GATAD2A: variants seen among roughly 807,000 people sequenced by gnomAD.
The protein encoded by GATAD2A is transcriptional repressor p66-alpha.
A neutral mutation model predicts 68.5 loss-of-function variants in GATAD2A; 12 were observed. The ratio of observed to expected loss-of-function variants is 0.18; its 90% CI spans 0.11 to 0.28. The LOEUF (loss-of-function observed/expected upper bound fraction) is 0.28. GATAD2A is among the 10% of genes least tolerant of loss of function. The pLI is 1.00. For missense variants in GATAD2A, 755 were observed against 868.5 expected (o/e 0.87, Z 1.64); for synonymous variants, 410 against 375.3 (o/e 1.09, Z -1.07).
At chr19:19,490,954 G>A (rs1055221282) in intron 2 of GATAD2A, among the ~76,000 whole-genome samples, 3 of 152,210 alleles carry the variant, frequency 2.0e-5, no homozygotes, top group South Asian at 4.1e-4. Flanking sequence ...GTCAGCAAAT[G>A]GAGCTGCTTG....
At position 19,505,921 on chromosome 19, in the gene GATAD2A, C is replaced by G. The variant is rs777967790; in HGVS notation, c.*447C>G. ...GTTTCATTTTTTTGCTTTTCCCTGT[C>G]TTAGGCTCCCAGTCTTTGACTGCCT... On this transcript the variant is annotated 3_prime_UTR_variant, in exon 12 of 12. Coordinates refer to ENST00000683918, the MANE Select transcript of GATAD2A (RefSeq NM_001384528.1). 4 of 399,176 alleles carry G rather than the reference C, an allele frequency of 1.0e-5. No individual in the cohort carries two copies. The highest frequency in any genetic ancestry group is 3.6e-5 in the East Asian group (1 of 28,076). The allele number at this position is 399,176 out of a possible 1,614,324, so 24.7% of individuals were successfully genotyped here. A position where few individuals can be genotyped will look rare whatever the true frequency, so the allele number is the denominator to read the frequency against.
At chr19:19,431,522 C>T (rs777429646) in intron 1 of GATAD2A, among the ~76,000 whole-genome samples, 37 of 150,938 alleles carry the variant, frequency 2.5e-4, no homozygotes, top group Non-Finnish European at 2.8e-4. Context: ...GGTGAAACCC[C>T]GTCTCTAATA....
intron 1 of GATAD2A, among the ~76,000 whole-genome samples, chr19:19,391,454 C>T (rs995189659): frequency 6.6e-6 from 1 of 152,040 alleles, no homozygotes; most frequent in South Asian, 2.1e-4. Context: ...ACAGTTATTC[C>T]ATTACATGGG....
intron 1 of GATAD2A, among the ~76,000 whole-genome samples, chr19:19,391,507 TA>T (rs2048843524): frequency 6.6e-6 from 1 of 152,154 alleles, no homozygotes; most frequent in Non-Finnish European, 1.5e-5. Flanking sequence ...AGAACTAAGG[TA>T]AACAACTTTA....
intron 2 of GATAD2A, among the ~76,000 whole-genome samples, chr19:19,471,679 A>G (rs188645637): frequency 6.6e-6 from 1 of 152,374 alleles, no homozygotes; most frequent in Non-Finnish European, 1.5e-5. Context: ...ATACCTCAAT[A>G]TGGATGTTAA....
intron 2 of GATAD2A, among the ~76,000 whole-genome samples, chr19:19,478,835 C>A (rs1736616488): frequency 6.6e-6 from 1 of 151,706 alleles, no homozygotes; most frequent in South Asian, 2.1e-4. Context: ...AAAAAAAAAC[C>A]TATTATTAAT....
At chr19:19,465,824 G>A (rs1236416647) in intron 2 of GATAD2A, among the ~76,000 whole-genome samples, 1 of 152,280 alleles carries the variant, frequency 6.6e-6, no homozygotes, top group Non-Finnish European at 1.5e-5. Context: ...GTGGCACAGA[G>A]TGTGGGTCTC....
chr19:19,435,045 G>A (rs755379284), intron 1 of GATAD2A: 5 of 524,036 alleles, frequency 9.5e-6, no homozygotes, highest in African/African-American at 5.8e-5. Flanking sequence ...TGAGCCCTGC[G>A]TGCTGCCTGT....
At chr19:19,400,957 A>G (rs1739483434), upstream of GATAD2A, among the ~76,000 whole-genome samples, 1 of 152,092 alleles carries the variant, frequency 6.6e-6, no homozygotes, top group East Asian at 1.9e-4. Context: ...CCTGGCTAAC[A>G]TGGCGAAACC....
intron 4 of GATAD2A, 47 bp downstream of exon 4, chr19:19,492,759 C>G: frequency 6.2e-7 from 1 of 1,604,224 alleles, no homozygotes; most frequent in Non-Finnish European, 8.5e-7. Context: ...GAGCGCCTGG[C>G]CTTGCCTTGA....
At chr19:19,485,120 G>A (rs1384448250) in intron 2 of GATAD2A, among the ~76,000 whole-genome samples, 1 of 152,154 alleles carries the variant, frequency 6.6e-6, no homozygotes, top group Non-Finnish European at 1.5e-5. Flanking sequence ...TCTGTCAGGG[G>A]GTGCTTTAAG....
chr19:19,437,448 A>T (rs2054497158), intron 1 of GATAD2A, among the ~76,000 whole-genome samples: 1 of 152,254 alleles, frequency 6.6e-6, no homozygotes, highest in Non-Finnish European at 1.5e-5. Context: ...TATAATTTGC[A>T]TACCATACAA....
chr19:19,466,396 G>A (rs536654118), intron 2 of GATAD2A, among the ~76,000 whole-genome samples: 154 of 152,230 alleles, frequency 1.0e-3, no homozygotes, highest in African/African-American at 3.4e-3. Flanking sequence ...ACAGCTTCCC[G>A]GCTGGCCCTC....
intron 2 of GATAD2A, among the ~76,000 whole-genome samples, chr19:19,470,037 A>G (rs1164237735): frequency 6.6e-6 from 1 of 152,172 alleles, no homozygotes; most frequent in Non-Finnish European, 1.5e-5. Context: ...AAAAGGATGG[A>G]AAAAGAGGTA....
rs2060891478 is a variant in GATAD2A, at chr19:19,506,953, T to C, written c.*1479T>C. 1 of 152,188 alleles carries C rather than the reference T, an allele frequency of 6.6e-6. No homozygotes were observed. The highest frequency in any genetic ancestry group is 1.5e-5 in the Non-Finnish European group (1 of 68,036). 9.4% of individuals were successfully genotyped at this position (152,188 alleles called of 1,614,324 possible). ...GCCTTCAAACACAACTGCTACAACATTCTAATAAAGGCTCATTTAACCCCC... is the reference window on the plus strand; with the variant it reads ...GCCTTCAAACACAACTGCTACAACACTCTAATAAAGGCTCATTTAACCCCC... On this transcript the variant is annotated 3_prime_UTR_variant, in exon 12 of 12. Transcript: ENST00000683918.
At chr19:19,485,723 C>T (rs976572912) in intron 2 of GATAD2A, among the ~76,000 whole-genome samples, 19 of 152,192 alleles carry the variant, frequency 1.2e-4, no homozygotes, top group African/African-American at 3.4e-4. Context: ...TAGATGCAGC[C>T]AGAGCCTCCG....
chr19:19,493,738 C>T (rs1600280529), intron 4 of GATAD2A, among the ~76,000 whole-genome samples: 1 of 151,144 alleles, frequency 6.6e-6, no homozygotes. Flanking sequence ...GCCCCCGCGC[C>T]CCCTCCCCGC....
upstream of GATAD2A, chr19:19,401,860 C>G (rs1432684892): frequency 6.6e-6 from 1 of 152,138 alleles, no homozygotes. Flanking sequence ...CAGACATAAA[C>G]ATGGAATTTG....
chr19:19,475,159 G>A (rs983611665), intron 2 of GATAD2A, among the ~76,000 whole-genome samples: 6 of 152,214 alleles, frequency 3.9e-5, no homozygotes, highest in African/African-American at 1.4e-4. Flanking sequence ...AGCTGCTCCC[G>A]GCCCGCCGGC....
Sources: gnomAD v4.1 joint callset for allele counts (sites outside exome capture counted in the v4.1 genomes callset) on GRCh38, gnomAD v4.1.1 for gene constraint, MANE v1.5 for transcripts, NCBI Gene and HGNC (gene_info 2026-07-23, HGNC 2026-07-21) for gene names.